The following SIRT7 variants were observed in gnomAD, a reference collection of about 807,000 sequenced individuals.
The protein encoded by SIRT7 is sirtuin 7.
Under a neutral mutation model 42.8 loss-of-function variants are expected in SIRT7, and 32 were observed. The ratio of observed to expected loss-of-function variants is 0.75; its 90% CI spans 0.56 to 1.00. SIRT7 has a LOEUF of 1.00. Ranked by LOEUF, SIRT7 falls within the 50% of genes least tolerant of loss-of-function variation. The probability of loss-of-function intolerance (pLI) is 0.00; values close to 1 mark genes in which losing one functional copy is unlikely to be tolerated. For synonymous variants in SIRT7, 297 were observed against 245.2 expected (o/e 1.21, Z -1.97); for missense variants, 553 against 572.2 (o/e 0.97, Z 0.34).
chr17:81,917,133 G>A (rs562627061), intron 3 of SIRT7: 1 of 152,864 alleles, frequency 6.5e-6, no homozygotes, highest in East Asian at 1.9e-4. Flanking sequence ...CTGCTAGGCC[G>A]ACGCGTGCCC....
intron 9 of SIRT7, 147 bp from the exon 10 acceptor site, chr17:81,912,761 CTTCA>C (rs1199760876): frequency 1.2e-6 from 1 of 837,058 alleles, no homozygotes; most frequent in Non-Finnish European, 1.9e-6. Context: ...TTGGCGGCAG[CTTCA>C]TTGTTACCAA....
In SIRT7 at chr17:81,917,706, G is replaced by A. The variant is rs1165140090; in HGVS notation, c.245C>T (p.Pro82Leu). ...KRRQEEVCDD[P>L]EELRGKVREL... ...CCGGACCTTCCCCCGCAGCTCCTCC[G>A]GGTCGTCGCACACCTGCCAAGACGC... Residue 82 changes from proline (P) to leucine (L), a missense_variant, in exon 3 of 10, where the codon CCG becomes CTG. By Grantham distance (98) the Pro-to-Leu change is moderately conservative. Transcript: ENST00000328666. 3.1e-6 allele frequency: 5 copies of A among 1,599,918 alleles called. No homozygotes were observed. Among genetic ancestry groups the A allele is most frequent in the Non-Finnish European group, 4.3e-6 (5 of 1,174,528 alleles).
In SIRT7 at chr17:81,915,616, G is replaced by A. The variant is rs1436184041; in HGVS notation, c.402C>T (p.Ser134=). Residue 134 remains serine, a synonymous_variant, in exon 4 of 10, where the codon AGC becomes AGT. Coordinates refer to ENST00000328666, the MANE Select transcript of SIRT7 (RefSeq NM_016538.3). ...GCCATGCCTGGCCCGCTTACCTAAC[G>A]CTTCTCCCTTTCTGAAGCAGTGTCC... ...GVWTLLQKGR[S]VSAADLSEAE... is the part of the protein sequence containing the mutation. 17 of 1,613,814 alleles carry A rather than the reference G, an allele frequency of 1.1e-5. No individual in the cohort carries two copies. Among genetic ancestry groups the A allele is most frequent in the East Asian group, 8.9e-5 (4 of 44,902 alleles).
chr17:81,914,249 G>A (rs202197467), intron 7 of SIRT7, 45 bp downstream of exon 7: 60 of 1,611,464 alleles, frequency 3.7e-5, no homozygotes, highest in Admixed American at 2.2e-4. Context: ...GGACACCCTC[G>A]GGCGGGCAGG....
Position 81,914,343 on chromosome 17 carries a change from T to A in SIRT7, c.767A>T (p.Glu256Val). The A allele has an allele frequency of 6.2e-7, 1 of 1,612,910 alleles. No homozygotes were observed. The highest frequency in any genetic ancestry group is 8.5e-7 in the Non-Finnish European group (1 of 1,179,988). ...GATGGTGTCTGCTCTGCTGGCAGCC[T>A]CGGTCGCCGCTTCCCAGTTCAAAGG... ...GQPLNWEAAT[E>V]AASRADTILC... The change falls in exon 7 of 10, where the codon GAG becomes GTG. Residue 256 changes from glutamate (E) to valine (V), a missense_variant. Glu to Val is a moderately radical substitution (Grantham distance 121). Transcript: ENST00000328666.
chr17:81,914,760 C>G, intron 5 of SIRT7, 58 bp from the exon 6 acceptor site: 1 of 1,415,570 alleles, frequency 7.1e-7, no homozygotes. Context: ...GTGGGGAGGT[C>G]AGTACCCGGC....
rs560332023 is a variant in SIRT7, at chr17:81,918,132, C to A, written c.-1G>T. The A allele has an allele frequency of 4.5e-5, 70 of 1,545,780 alleles. No homozygotes were observed. Among genetic ancestry groups the A allele is most frequent in the Non-Finnish European group, 5.9e-5 (68 of 1,156,664 alleles). On this transcript the variant is annotated 5_prime_UTR_variant, in exon 1 of 10. Transcript: ENST00000328666. ...AGCGGCTCAGACCCCCGGCTGCCAT[C>A]GCTCCCCTGGAGACCTGCTCTTCCG...
In SIRT7 at chr17:81,914,716, C is replaced by T. The variant is rs576697366; in HGVS notation, c.481-14G>A. 1.1e-5 allele frequency: 18 copies of T among 1,609,304 alleles called. No individual in the cohort carries two copies. Among genetic ancestry groups the T allele is most frequent in the East Asian group, 2.2e-5 (1 of 44,888 alleles). On this transcript the variant is annotated splice_polypyrimidine_tract_variant and intron_variant, in intron 5 of 9. Transcript: ENST00000328666. The stretch of plus-strand genomic sequence containing the variant: ...CACATGCTGCACCTGGAAGGCAGAA[C>T]GGGTGGCAAGGGGAGGGATGGCTGC...
chr17:81,915,382 G>A, intron 5 of SIRT7, 58 bp downstream of exon 5: 1 of 1,565,536 alleles, frequency 6.4e-7, no homozygotes, highest in South Asian at 1.1e-5. Context: ...TTGCCCACTG[G>A]GCACCAAGGT....
rs978267237 is a variant in SIRT7, at chr17:81,913,047, C to T, written c.1005-433G>A. On this transcript the variant is annotated intron_variant, in intron 9 of 9. Coordinates refer to ENST00000328666, the MANE Select transcript of SIRT7 (RefSeq NM_016538.3). The surrounding 1 kb of genome is among the most constrained non-coding windows in gnomAD (Gnocchi z 5.0). ...TGACTAGGGAGGCGTGGCCTACAGA[C>T]GACCCCGTGAAGAAAGCATGTGTCT... 2.5e-5 allele frequency: 9 copies of T among 356,392 alleles called. No homozygotes were observed. The highest frequency in any genetic ancestry group is 4.5e-5 in the South Asian group (2 of 44,866). The allele number at this position is 356,392 out of a possible 1,614,324, so 22.1% of individuals were successfully genotyped here.
chr17:81,914,067 G>C lies in SIRT7; in HGVS notation c.897+20C>G, dbSNP rs1260985753. On this transcript the variant is annotated intron_variant, in intron 8 of 9. Transcript: ENST00000328666. ...TCTAAGACCCAGATCTAAGGACGTG[G>C]CTCTCAGCACCCGAGTTACCTGCAG... is the stretch of plus-strand genomic sequence containing the variant. 1 of 1,612,902 alleles carries C rather than the reference G, an allele frequency of 6.2e-7. No individual in the cohort carries two copies. The highest frequency in any genetic ancestry group is 8.5e-7 in the Non-Finnish European group (1 of 1,179,686).
At position 81,912,566 on chromosome 17, in the gene SIRT7, T is replaced by C. The variant is rs777746632; in HGVS notation, c.1053A>G (p.Glu351=). ...FSLATPLRAG[E]EGSHSRKSLC... ...GCGACTTCCGACTGTGGCTGCCTTC[T>C]TCACCAGCACGCAGGGGAGTCGCCA... Residue 351 remains glutamate, a synonymous_variant, in exon 10 of 10, where the codon GAA becomes GAG. Coordinates refer to ENST00000328666, the MANE Select transcript of SIRT7 (RefSeq NM_016538.3). The C allele has an allele frequency of 1.2e-6, 2 of 1,613,726 alleles. No homozygotes were observed. Among genetic ancestry groups the C allele is most frequent in the Non-Finnish European group, 8.5e-7 (1 of 1,180,014 alleles).
intron 3 of SIRT7, chr17:81,915,995 C>A: frequency 2.5e-6 from 1 of 404,282 alleles, no homozygotes; most frequent in Non-Finnish European, 4.7e-6. Flanking sequence ...ATGTGTCCTC[C>A]ACACTGCAGG....
chr17:81,914,923 C>T, intron 5 of SIRT7: 1 of 576,374 alleles, frequency 1.7e-6, no homozygotes, highest in East Asian at 2.9e-5. Context: ...TTCCTCCAGC[C>T]CTGATGCACC....
intron 8 of SIRT7, 67 bp downstream of exon 8, chr17:81,914,020 T>TGG: frequency 6.3e-7 from 1 of 1,592,802 alleles, no homozygotes; most frequent in South Asian, 1.1e-5. Flanking sequence ...TGCATGGGTG[T>TGG]GGGGTGTCTC....
chr17:81,913,370 T>A lies in SIRT7; in HGVS notation c.1004+404A>T. 1 of 450,144 alleles carries A rather than the reference T, an allele frequency of 2.2e-6. No homozygotes were observed. The highest frequency in any genetic ancestry group is 2.5e-5 in the Admixed American group (1 of 39,886). The allele number at this position is 450,144 out of a possible 1,614,324, so 27.9% of individuals were successfully genotyped here. ...CAAGTCTAAATTATCACAAATTCTG[T>A]ATTAAGGCACAGTTTGTTTAAGCTT... On this transcript the variant is annotated intron_variant, in intron 9 of 9. Transcript: ENST00000328666. This position sits in a 1 kb window ranked among gnomAD's most constrained non-coding sequence, Gnocchi z 5.0.
rs776552077 is a variant in SIRT7, at chr17:81,912,620, A to G, written c.1005-6T>C. 22 of 1,611,906 alleles carry G rather than the reference A, an allele frequency of 1.4e-5. No individual in the cohort carries two copies. The highest frequency in any genetic ancestry group is 1.8e-5 in the Non-Finnish European group (21 of 1,179,478). Reference sequence around the variant, plus strand: ...AGAAAATGGGATCCTGCCACCTGCCAAAAAGGGAAAGCGGCATCAGGCGGG... The same window carrying G: ...AGAAAATGGGATCCTGCCACCTGCCGAAAAGGGAAAGCGGCATCAGGCGGG... On this transcript the variant is annotated splice_polypyrimidine_tract_variant and splice_region_variant and intron_variant, in intron 9 of 9. Transcript: ENST00000328666.
At chr17:81,912,638 C>T in intron 9 of SIRT7, 24 bp from the exon 10 acceptor site, 1 of 1,603,606 alleles carries the variant, frequency 6.2e-7, no homozygotes, top group South Asian at 1.1e-5. Context: ...AAAGCGGCAT[C>T]AGGCGGGCCT....
chr17:81,914,995 T>A, intron 5 of SIRT7: 1 of 517,486 alleles, frequency 1.9e-6, no homozygotes, highest in Non-Finnish European at 3.5e-6. Context: ...TGGCTCGGGG[T>A]TTGGCAAGGG....
Sources: gnomAD v4.1 joint callset for allele counts on GRCh38, gnomAD v4.1.1 for gene constraint, Gnocchi (gnomAD v3.1) non-coding constraint, MANE v1.5 for transcripts, NCBI Gene and HGNC (gene_info 2026-07-23, HGNC 2026-07-21) for gene names.